CRACDL: variants seen among roughly 807,000 people sequenced by gnomAD.
The protein encoded by CRACDL is CRACD like.
Under a neutral mutation model 70.6 loss-of-function variants are expected in CRACDL, and 26 were observed. The observed-to-expected ratio is 0.37, with a 90% CI of 0.27 to 0.51. The LOEUF (loss-of-function observed/expected upper bound fraction) is 0.51, where lower values mean the gene tolerates loss of function less well. Among genes scored for constraint, CRACDL ranks in the 20% least tolerant of loss-of-function variants. CRACDL has a pLI of 0.94. For synonymous variants in CRACDL, 618 were observed against 615.2 expected, an observed-to-expected ratio of 1.00 and a Z score of -0.07; for missense variants, 1,283 against 1,376.9, an observed-to-expected ratio of 0.93 and a Z score of 1.08.
chr2:98,881,651 C>T (rs886986623), intron 1 of CRACDL, among the ~76,000 whole-genome samples: 2 of 152,136 alleles, frequency 1.3e-5, no homozygotes, highest in Admixed American at 6.5e-5. Context: ...TCAGCTGGGG[C>T]GCCATGTATA....
intron 7 of CRACDL, among the ~76,000 whole-genome samples, chr2:98,819,815 C>CTTTTTTTTTTTT (rs34640405): frequency 1.0e-5 from 1 of 99,026 alleles, no homozygotes; most frequent in Non-Finnish European, 1.9e-5. Flanking sequence ...CTGAAACATT[C>CTTTTTTTTTTTT]TTTTTTTTTT....
At chr2:98,836,678 G>A (rs939651925) in intron 3 of CRACDL, among the ~76,000 whole-genome samples, 1 of 152,126 alleles carries the variant, frequency 6.6e-6, no homozygotes, top group Non-Finnish European at 1.5e-5. Context: ...AGGGGTGGAT[G>A]GGGGTGGGTG....
chr2:98,851,075 T>A (rs13005148), intron 1 of CRACDL, among the ~76,000 whole-genome samples: 60,278 of 151,968 alleles, frequency 0.4, 12,903 homozygotes, highest in African/African-American at 0.56. Flanking sequence ...CCCTACAGAT[T>A]CCCTAATCCC....
chr2:98,924,124 A>C (rs138561079), intron 1 of CRACDL, among the ~76,000 whole-genome samples: 1 of 152,340 alleles, frequency 6.6e-6, no homozygotes, highest in African/African-American at 2.4e-5. Flanking sequence ...TCCTTCAGTT[A>C]ATTATGCTGG....
At chr2:98,819,620 G>A (rs761892893) in intron 7 of CRACDL, among the ~76,000 whole-genome samples, 9 of 152,140 alleles carry the variant, frequency 5.9e-5, no homozygotes, top group Non-Finnish European at 1.2e-4. Flanking sequence ...TGTGTGTCAC[G>A]TTAGGAATTT....
chr2:98,888,143 A>G (rs1352009548), intron 1 of CRACDL, among the ~76,000 whole-genome samples: 1 of 152,244 alleles, frequency 6.6e-6, no homozygotes, highest in Non-Finnish European at 1.5e-5. Flanking sequence ...AGAAATTAGC[A>G]CTAGCAAACC....
intron 7 of CRACDL, among the ~76,000 whole-genome samples, chr2:98,818,962 A>G (rs146428308): frequency 2.0e-4 from 31 of 152,348 alleles, no homozygotes; most frequent in Non-Finnish European, 3.1e-4. Flanking sequence ...GTTAAAATGA[A>G]TATCATTAAC....
intron 1 of CRACDL, among the ~76,000 whole-genome samples, chr2:98,867,061 G>A (rs879811995): frequency 6.6e-5 from 10 of 152,144 alleles, no homozygotes; most frequent in Non-Finnish European, 8.8e-5. Context: ...CCCCTCAGCC[G>A]TGGGCAGGGC....
At chr2:98,824,991 A>G (rs1705244560) in intron 6 of CRACDL, among the ~76,000 whole-genome samples, 1 of 152,224 alleles carries the variant, frequency 6.6e-6, no homozygotes, top group Admixed American at 6.5e-5. Context: ...TAAAACTATC[A>G]GTCACAGAGC....
At chr2:98,876,350 C>T (rs1707488202) in intron 1 of CRACDL, among the ~76,000 whole-genome samples, 1 of 152,160 alleles carries the variant, frequency 6.6e-6, no homozygotes, top group African/African-American at 2.4e-5. Flanking sequence ...GGGTCCCCAA[C>T]CCCTTGGGCC....
At chr2:98,893,648 A>G (rs1708038287) in intron 1 of CRACDL, among the ~76,000 whole-genome samples, 2 of 152,160 alleles carry the variant, frequency 1.3e-5, no homozygotes, top group South Asian at 2.1e-4. Flanking sequence ...AGGATACACA[A>G]TGGCTTTATC....
chr2:98,866,369 G>A (rs896305300), intron 1 of CRACDL, among the ~76,000 whole-genome samples: 1 of 151,634 alleles, frequency 6.6e-6, no homozygotes, highest in Admixed American at 6.6e-5. Context: ...TAGAACAGCT[G>A]CATGGTAGTG....
At chr2:98,846,835 T>C (rs1706276522) in intron 1 of CRACDL, 25 bp from the exon 2 acceptor site, 1 of 1,583,488 alleles carries the variant, frequency 6.3e-7, no homozygotes, top group Non-Finnish European at 8.7e-7. Context: ...AAATTCACGT[T>C]AAAGAAACAT....
At chr2:98,910,932 G>A (rs1708532639) in intron 1 of CRACDL, among the ~76,000 whole-genome samples, 2 of 152,196 alleles carry the variant, frequency 1.3e-5, no homozygotes, top group South Asian at 4.1e-4. Flanking sequence ...GTAAAAGAGG[G>A]GCTGTTCTGG....
intron 2 of CRACDL, among the ~76,000 whole-genome samples, chr2:98,839,609 T>G (rs1461283388): frequency 3.9e-5 from 6 of 152,262 alleles, no homozygotes; most frequent in African/African-American, 1.4e-4. Flanking sequence ...ATAACTGCTG[T>G]ACACCTTTGT....
At chr2:98,901,147 C>T (rs1708269663) in intron 1 of CRACDL, among the ~76,000 whole-genome samples, 1 of 152,164 alleles carries the variant, frequency 6.6e-6, no homozygotes, top group African/African-American at 2.4e-5. Context: ...TTCTGCAACC[C>T]CTCTCATCTG....
Position 98,827,149 on chromosome 2 carries a change from G to T in CRACDL, c.561C>A (p.Asp187Glu). 1 of 1,613,998 alleles carries T rather than the reference G, an allele frequency of 6.2e-7. No individual in the cohort carries two copies. Among genetic ancestry groups the T allele is most frequent in the Non-Finnish European group, 8.5e-7 (1 of 1,179,912 alleles). ...TTIKVSVVSP[D>E]HVSDSTVSAR... Reference sequence around the variant, plus strand: ...CAGAGACGGTGCTGTCGCTCACGTGGTCTGGAGACACGACAGAGACCTTCG... The same window carrying T: ...CAGAGACGGTGCTGTCGCTCACGTGTTCTGGAGACACGACAGAGACCTTCG... Residue 187 changes from aspartate (D) to glutamate (E), a missense_variant, in exon 6 of 10, where the codon GAC becomes GAA. This residue lies in a region of CRACDL where 362 missense variants were observed against 495.0 expected (regional missense o/e 0.73). Coordinates refer to ENST00000397899, the MANE Select transcript of CRACDL (RefSeq NM_207362.3).
At chr2:98,926,613 G>A (rs1461912566) in intron 1 of CRACDL, among the ~76,000 whole-genome samples, 1 of 152,128 alleles carries the variant, frequency 6.6e-6, no homozygotes, top group Non-Finnish European at 1.5e-5. Flanking sequence ...CAATGTTCTC[G>A]CTGAACACCG....
intron 1 of CRACDL, among the ~76,000 whole-genome samples, chr2:98,921,441 G>A (rs891503795): frequency 1.4e-4 from 21 of 152,338 alleles, no homozygotes; most frequent in Admixed American, 1.0e-3. Flanking sequence ...CCTTGGGCTC[G>A]GAAGGCTCTT....
Sources: gnomAD v4.1 joint callset for allele counts (sites outside exome capture counted in the v4.1 genomes callset) on GRCh38, gnomAD v4.1.1 for gene constraint, gnomAD v4.1.1 regional missense constraint, MANE v1.5 for transcripts, NCBI Gene and HGNC (gene_info 2026-07-23, HGNC 2026-07-21) for gene names.